Variants in ASTN1 observed in about 807,000 individuals in gnomAD.
ASTN1 encodes the protein astrotactin 1.
In ASTN1, 41 loss-of-function variants were observed where a neutral mutation model predicts 140.7. The ratio of observed to expected loss-of-function variants is 0.29; its 90% CI spans 0.23 to 0.38. ASTN1 has a LOEUF of 0.38. Among genes scored for constraint, ASTN1 ranks in the 10% least tolerant of loss-of-function variants. ASTN1 has a pLI of 1.00. For missense variants in ASTN1, 1,479 were observed against 1,678.8 expected (o/e 0.88, Z 2.08); for synonymous variants, 640 against 652.2 (o/e 0.98, Z 0.29).
chr1:177,112,672 T>C (rs1680879170), intron 1 of ASTN1, among the ~76,000 whole-genome samples: 1 of 152,222 alleles, frequency 6.6e-6, no homozygotes, highest in Non-Finnish European at 1.5e-5. Context: ...GCTTGAGATT[T>C]TAGCCTAGGA....
chr1:177,115,940 T>C (rs1422814905), intron 1 of ASTN1, among the ~76,000 whole-genome samples: 4 of 152,208 alleles, frequency 2.6e-5, no homozygotes, highest in Non-Finnish European at 5.9e-5. Context: ...TTGAACACTT[T>C]ATTGGATTTC....
At chr1:176,986,529 G>A (rs893546819) in intron 8 of ASTN1, among the ~76,000 whole-genome samples, 1 of 152,104 alleles carries the variant, frequency 6.6e-6, no homozygotes, top group African/African-American at 2.4e-5. Flanking sequence ...TGGGGGGAAG[G>A]AGATAACTCA....
intron 16 of ASTN1, among the ~76,000 whole-genome samples, chr1:176,906,730 T>C (rs914747787): frequency 2.0e-5 from 3 of 151,344 alleles, no homozygotes; most frequent in African/African-American, 7.3e-5. Flanking sequence ...GGTGTGTGCC[T>C]ATAATCCCAG....
Position 176,863,153 on chromosome 1 carries a change from C to A in ASTN1, c.*1131G>T. 1.0e-6 allele frequency: 1 copy of A among 985,912 alleles called. No individual in the cohort carries two copies. The highest frequency in any genetic ancestry group is 4.7e-5 in the South Asian group (1 of 21,290). The allele number at this position is 985,912 out of a possible 1,614,324, so 61.1% of individuals were successfully genotyped here. On this transcript the variant is annotated 3_prime_UTR_variant, in exon 23 of 23. Transcript: ENST00000361833. ...GCTTCCCTACACAGAATCCCTGTGA[C>A]TGGATGGGCAGTGACCATGGTGGAA...
intron 16 of ASTN1, among the ~76,000 whole-genome samples, chr1:176,900,644 G>A (rs575116687): frequency 6.6e-6 from 1 of 152,246 alleles, no homozygotes; most frequent in Non-Finnish European, 1.5e-5. Flanking sequence ...TGTAATTTGG[G>A]GTGAATTTCT....
intron 11 of ASTN1, among the ~76,000 whole-genome samples, chr1:176,954,316 G>A (rs1001367496): frequency 6.6e-6 from 1 of 152,228 alleles, no homozygotes; most frequent in African/African-American, 2.4e-5. Flanking sequence ...AGAGGGGGAT[G>A]TGCTACAGAA....
At chr1:176,900,862 G>T (rs1211172098) in intron 16 of ASTN1, among the ~76,000 whole-genome samples, 5 of 152,124 alleles carry the variant, frequency 3.3e-5, no homozygotes, top group African/African-American at 1.2e-4. Flanking sequence ...CCATCGGATG[G>T]CAGGTGCCTT....
intron 9 of ASTN1, among the ~76,000 whole-genome samples, chr1:176,959,440 T>G (rs868415587): frequency 2.3e-4 from 35 of 152,176 alleles, no homozygotes; most frequent in Middle Eastern, 3.4e-3. Flanking sequence ...CTCCTTTCTC[T>G]TCCCATACAC....
At chr1:177,014,709 C>G (rs1675455378) in intron 8 of ASTN1, 82 bp downstream of exon 8, 26 of 1,318,054 alleles carry the variant, frequency 2.0e-5, no homozygotes, top group Non-Finnish European at 2.7e-5. Context: ...CTCTATTCCT[C>G]TCCATGCAGT....
chr1:177,053,360 G>A (rs1226669905), intron 2 of ASTN1, among the ~76,000 whole-genome samples: 1 of 152,148 alleles, frequency 6.6e-6, no homozygotes, highest in Non-Finnish European at 1.5e-5. Flanking sequence ...GTAGCATAAG[G>A]CCTCTGTGAA....
chr1:177,061,999 A>G (rs929279272), intron 1 of ASTN1, among the ~76,000 whole-genome samples: 1 of 152,146 alleles, frequency 6.6e-6, no homozygotes, highest in African/African-American at 2.4e-5. Context: ...AGCATCAATG[A>G]CTTAATAGCA....
intron 14 of ASTN1, among the ~76,000 whole-genome samples, chr1:176,936,909 A>C (rs916553186): frequency 3.9e-5 from 6 of 152,200 alleles, no homozygotes; most frequent in Non-Finnish European, 4.4e-5. Context: ...TTGATATCTG[A>C]AAAGTGGGGA....
intron 16 of ASTN1, among the ~76,000 whole-genome samples, chr1:176,920,747 T>C (rs1368467650): frequency 3.3e-5 from 5 of 152,184 alleles, no homozygotes; most frequent in African/African-American, 4.8e-5. Flanking sequence ...ACATCTAAAA[T>C]TCCACAGTGG....
intron 20 of ASTN1, among the ~76,000 whole-genome samples, chr1:176,880,126 C>T (rs1571448838): frequency 6.6e-6 from 1 of 152,306 alleles, no homozygotes; most frequent in South Asian, 2.1e-4. Context: ...AACTCCTGGG[C>T]TTCTTCCACT....
chr1:176,988,573 T>C (rs981121548), intron 8 of ASTN1, among the ~76,000 whole-genome samples: 1 of 152,108 alleles, frequency 6.6e-6, no homozygotes, highest in African/African-American at 2.4e-5. Flanking sequence ...TGTTTGAGAG[T>C]CTCCAACTGA....
At chr1:176,917,957 A>T (rs1670561332) in intron 16 of ASTN1, among the ~76,000 whole-genome samples, 2 of 152,132 alleles carry the variant, frequency 1.3e-5, no homozygotes, top group South Asian at 4.1e-4. Flanking sequence ...CTGCATATCT[A>T]TTTCCATCAT....
intron 2 of ASTN1, among the ~76,000 whole-genome samples, chr1:177,059,527 T>C (rs1018987631): frequency 2.0e-5 from 3 of 152,216 alleles, no homozygotes; most frequent in African/African-American, 7.2e-5. Context: ...CATCTGACCT[T>C]ATGTGGATAT....
At chr1:176,978,701 G>A (rs1174956685) in intron 8 of ASTN1, among the ~76,000 whole-genome samples, 1 of 152,064 alleles carries the variant, frequency 6.6e-6, no homozygotes, top group Non-Finnish European at 1.5e-5. Context: ...ATCTGTGAAC[G>A]TCTGGCAAGG....
In ASTN1 at chr1:177,048,612, C is replaced by A. The variant is rs1367416416; in HGVS notation, c.471+12466G>T. ...TCTCCTTCCGGGAGTATTCAAAGGCCTCCAGAGGCAATTCTGGGAGATTTC... is the reference window on the plus strand; with the variant it reads ...TCTCCTTCCGGGAGTATTCAAAGGCATCCAGAGGCAATTCTGGGAGATTTC... On this transcript the variant is annotated intron_variant, in intron 2 of 22. Coordinates refer to ENST00000361833, the MANE Select transcript of ASTN1 (RefSeq NM_004319.3). Among the ~76,000 whole-genome samples the A allele has an allele frequency of 5.3e-5, 8 of 152,294 alleles. No homozygotes were observed. The South Asian group carries it at 1.7e-3, about 32-fold the overall frequency.
Sources: allele counts gnomAD v4.1 joint callset (sites outside exome capture counted in the v4.1 genomes callset), GRCh38; gene constraint gnomAD v4.1.1; transcripts MANE v1.5; gene names NCBI Gene and HGNC (gene_info 2026-07-23, HGNC 2026-07-21).